Variants in FHOD3 observed in about 807,000 individuals in gnomAD.
FHOD3 encodes the protein FH1/FH2 domain-containing protein 3.
In FHOD3, 90 loss-of-function variants were observed where a neutral mutation model predicts 173.0. The ratio of observed to expected loss-of-function variants is 0.52; its 90% confidence interval spans 0.44 to 0.62. FHOD3 has a LOEUF of 0.62. Among genes scored for constraint, FHOD3 ranks in the 20% least tolerant of loss-of-function variants. The probability of loss-of-function intolerance (pLI) is 0.00; values close to 1 mark genes in which losing one functional copy is unlikely to be tolerated. For synonymous variants in FHOD3, 828 were observed against 823.0 expected, an observed-to-expected ratio of 1.01 and a Z score of -0.10; for missense variants, 1,945 against 2,034.7, an observed-to-expected ratio of 0.96 and a Z score of 0.85.
chr18:36,659,302 T>C (rs1395074670), intron 14 of FHOD3, among the ~76,000 whole-genome samples: 1 of 152,166 alleles, frequency 6.6e-6, no homozygotes, highest in Non-Finnish European at 1.5e-5. Context: ...CACAGTCCAG[T>C]GTGGTCCTGG....
At chr18:36,521,799 T>C (rs1431930541) in intron 5 of FHOD3, among the ~76,000 whole-genome samples, 1 of 152,156 alleles carries the variant, frequency 6.6e-6, no homozygotes, top group African/African-American at 2.4e-5. Context: ...ATCCCAGGCC[T>C]TCTGTGTGGG....
intron 5 of FHOD3, among the ~76,000 whole-genome samples, chr18:36,514,029 G>A (rs1306205874): frequency 3.5e-5 from 1 of 28,350 alleles, no homozygotes; most frequent in Non-Finnish European, 8.2e-5. Flanking sequence ...TTTTTTTTGA[G>A]ATGGAGTCTT....
Position 36,718,470 on chromosome 18 carries a change from C to T in FHOD3, c.3172C>T (p.Pro1058Ser). Residue 1058 changes from proline (P) to serine (S), a missense_variant, in exon 19 of 29, where the codon CCT becomes TCT. Physicochemically the swap from Pro to Ser is moderately conservative, Grantham distance 74. Transcript: ENST00000590592. ...CCCTGGTAATTTATTGGTTCCTCCT[C>T]CTCCAGTGTTCAACGCTCCTCAGGG... ...PVPGNLLVPPPPVFNAPQGLG... is the reference protein window; with the variant it reads ...PVPGNLLVPPSPVFNAPQGLG... 1.9e-6 allele frequency: 3 copies of T among 1,612,762 alleles called. No homozygotes were observed. The highest frequency in any genetic ancestry group is 2.5e-6 in the Non-Finnish European group (3 of 1,179,674).
At chr18:36,465,019 G>A (rs1425817186) in intron 3 of FHOD3, among the ~76,000 whole-genome samples, 1 of 152,134 alleles carries the variant, frequency 6.6e-6, no homozygotes, top group Admixed American at 6.5e-5. Flanking sequence ...AAATTGGTAT[G>A]ACAATCTTAG....
chr18:36,703,861 T>C (rs2039722499), intron 17 of FHOD3, among the ~76,000 whole-genome samples: 1 of 152,152 alleles, frequency 6.6e-6, no homozygotes, highest in African/African-American at 2.4e-5. Context: ...TTCTTACACC[T>C]AAGAAAAGCA....
At chr18:36,480,385 T>G (rs1373899527) in intron 3 of FHOD3, among the ~76,000 whole-genome samples, 1 of 152,236 alleles carries the variant, frequency 6.6e-6, no homozygotes, top group African/African-American at 2.4e-5. Context: ...AATATCCATC[T>G]AAAGTTTCGC....
chr18:36,627,324 G>A (rs2034184715), intron 10 of FHOD3, among the ~76,000 whole-genome samples: 2 of 152,164 alleles, frequency 1.3e-5, no homozygotes, highest in Non-Finnish European at 2.9e-5. Context: ...AGTACTTGGT[G>A]TTCTCCTGCT....
chr18:36,598,074 G>A (rs547983328), intron 7 of FHOD3, among the ~76,000 whole-genome samples: 4 of 152,224 alleles, frequency 2.6e-5, no homozygotes, highest in African/African-American at 4.8e-5. Context: ...GCAGCTCTCC[G>A]GTTCCCTCTC....
chr18:36,642,759 C>T (rs1338238005), intron 10 of FHOD3, among the ~76,000 whole-genome samples: 1 of 152,050 alleles, frequency 6.6e-6, no homozygotes, highest in South Asian at 2.1e-4. Context: ...TATGACCTAA[C>T]CTAAAAAGCA....
At chr18:36,469,269 T>C (rs1344881297) in intron 3 of FHOD3, among the ~76,000 whole-genome samples, 1 of 152,202 alleles carries the variant, frequency 6.6e-6, no homozygotes, top group Non-Finnish European at 1.5e-5. Flanking sequence ...TCCTTCTTTA[T>C]GAAACTTAAG....
chr18:36,601,136 T>A (rs2031324116), intron 7 of FHOD3, among the ~76,000 whole-genome samples: 1 of 152,178 alleles, frequency 6.6e-6, no homozygotes, highest in African/African-American at 2.4e-5. Context: ...ATGATCAATA[T>A]CAGCAAGGAG....
chr18:36,613,361 C>A (rs2032886420), intron 9 of FHOD3, among the ~76,000 whole-genome samples: 1 of 152,292 alleles, frequency 6.6e-6, no homozygotes, highest in South Asian at 2.1e-4. Flanking sequence ...TCAGACTGTT[C>A]CCTGTGGGTT....
At chr18:36,373,311 A>G (rs1221356472) in intron 3 of FHOD3, among the ~76,000 whole-genome samples, 1 of 152,160 alleles carries the variant, frequency 6.6e-6, no homozygotes, top group African/African-American at 2.4e-5. Context: ...AAAAAAAAGG[A>G]ACTAAATTTC....
At chr18:36,510,486 A>T (rs535495461) in intron 4 of FHOD3, among the ~76,000 whole-genome samples, 1 of 152,140 alleles carries the variant, frequency 6.6e-6, no homozygotes, top group Non-Finnish European at 1.5e-5. Flanking sequence ...GTTTTTTCCA[A>T]GTGCCTTTGC....
At chr18:36,510,055 G>A (rs2055547702) in intron 4 of FHOD3, among the ~76,000 whole-genome samples, 2 of 152,142 alleles carry the variant, frequency 1.3e-5, no homozygotes, top group Admixed American at 6.5e-5. Context: ...GTGGGTCGGC[G>A]TCTCCATCAT....
At chr18:36,738,920 G>A (rs116956376) in intron 20 of FHOD3, among the ~76,000 whole-genome samples, 12 of 152,162 alleles carry the variant, frequency 7.9e-5, no homozygotes, top group East Asian at 7.7e-4. Context: ...CTGCTTTACC[G>A]TGTAACTTTT....
chr18:36,751,027 G>A (rs2042381790), intron 24 of FHOD3, among the ~76,000 whole-genome samples: 1 of 152,140 alleles, frequency 6.6e-6, no homozygotes, highest in South Asian at 2.1e-4. Flanking sequence ...AATGTCTTTG[G>A]TAGTTTGATA....
intron 7 of FHOD3, among the ~76,000 whole-genome samples, chr18:36,599,435 A>G (rs767370368): frequency 3.3e-5 from 5 of 152,224 alleles, no homozygotes; most frequent in Non-Finnish European, 1.5e-5. Context: ...GAGTATATCT[A>G]TCTGTGAAGA....
intron 1 of FHOD3, among the ~76,000 whole-genome samples, chr18:36,326,672 G>A (rs533702401): frequency 2.6e-5 from 4 of 152,140 alleles, no homozygotes; most frequent in Non-Finnish European, 5.9e-5. Flanking sequence ...GATCACTTGC[G>A]CCTAGGAGTT....
Sources: allele counts gnomAD v4.1 joint callset (sites outside exome capture counted in the v4.1 genomes callset), GRCh38; gene constraint gnomAD v4.1.1; transcripts MANE v1.5; gene names NCBI Gene and HGNC (gene_info 2026-07-23, HGNC 2026-07-21).